RFC3: variants seen among roughly 807,000 people sequenced by gnomAD.
RFC3 encodes the protein replication factor C subunit 3.
Under a neutral mutation model 45.1 loss-of-function variants are expected in RFC3, and 41 were observed. That is an observed-to-expected ratio of 0.91 (90% CI 0.71 to 1.18). The LOEUF (loss-of-function observed/expected upper bound fraction) is 1.18, where lower values mean the gene tolerates loss of function less well. Among genes scored for constraint, RFC3 ranks in the 50% most tolerant of loss-of-function variants. The pLI is 0.00. For missense variants in RFC3, 423 were observed against 428.1 expected (o/e 0.99, Z 0.10); for synonymous variants, 149 against 144.0 (o/e 1.03, Z -0.25).
intron 8 of RFC3, among the ~76,000 whole-genome samples, chr13:33,959,589 C>T (rs1309661152): frequency 1.3e-5 from 2 of 152,148 alleles, no homozygotes; most frequent in Non-Finnish European, 2.9e-5. Flanking sequence ...TTGTTTACAT[C>T]CAGAACATTT....
chr13:33,944,768 A>G (rs952978334), intron 8 of RFC3, among the ~76,000 whole-genome samples: 3 of 152,112 alleles, frequency 2.0e-5, no homozygotes, highest in Non-Finnish European at 4.4e-5. Flanking sequence ...ACACACTCAA[A>G]TTTCCACATA....
At position 33,835,453 on chromosome 13, in the gene RFC3, TAAAG is replaced by T. The variant is rs762414924; in HGVS notation, c.879+239_879+242del. The T allele has an allele frequency of 1.8e-5, 12 of 682,238 alleles. 1 individual carries two copies. The highest frequency in any genetic ancestry group is 1.1e-4 in the South Asian group (8 of 72,264). 42.3% of individuals were successfully genotyped at this position (682,238 alleles called of 1,614,324 possible). On this transcript the variant is annotated intron_variant, in intron 8 of 8. Transcript: ENST00000380071. ...CTAGTGGTGTGAAAAGGAGAACAAA[TAAAG>T]AAGAGAATTTCAGAGTGTTGTAAGT... is the stretch of plus-strand genomic sequence containing the variant.
downstream of RFC3, among the ~76,000 whole-genome samples, chr13:33,838,281 A>C (rs1006587663): frequency 1.3e-5 from 2 of 152,060 alleles, no homozygotes; most frequent in Non-Finnish European, 2.9e-5. Flanking sequence ...GTGAAAATCT[A>C]CTTTTTTTAA....
At chr13:33,975,728 C>T in the RFC3 span, among the ~76,000 whole-genome samples, 1 of 152,168 alleles carries the variant, frequency 6.6e-6, no homozygotes, top group Non-Finnish European at 1.5e-5. Context: ...AAGCACTGCA[C>T]TGTGGCTGAT....
chr13:33,857,108 A>G (rs1210565347), intron 8 of RFC3, among the ~76,000 whole-genome samples: 1 of 152,240 alleles, frequency 6.6e-6, no homozygotes, highest in African/African-American at 2.4e-5. Context: ...TAAACTTGTA[A>G]AGCAATCTAA....
chr13:33,863,197 A>T (rs994324648), intron 8 of RFC3, among the ~76,000 whole-genome samples: 11 of 152,094 alleles, frequency 7.2e-5, no homozygotes, highest in Admixed American at 6.5e-4. Context: ...TGCATCAGTA[A>T]TATAATGAAT....
At chr13:33,876,487 TTTATC>T (rs2082447818) in intron 8 of RFC3, among the ~76,000 whole-genome samples, 1 of 152,246 alleles carries the variant, frequency 6.6e-6, no homozygotes, top group African/African-American at 2.4e-5. Flanking sequence ...TATTCATATT[TTTATC>T]TTAATCCATT....
At chr13:33,880,949 G>A (rs1026295241) in intron 8 of RFC3, among the ~76,000 whole-genome samples, 1 of 152,164 alleles carries the variant, frequency 6.6e-6, no homozygotes. Context: ...CCAGCTACTC[G>A]GGAGGCTGAG....
chr13:33,950,502 C>T (rs1290793069), intron 8 of RFC3, among the ~76,000 whole-genome samples: 1 of 152,086 alleles, frequency 6.6e-6, no homozygotes, highest in Non-Finnish European at 1.5e-5. Context: ...ATTTAGAAAA[C>T]CAGTGGAATA....
intron 2 of RFC3, among the ~76,000 whole-genome samples, chr13:33,821,781 C>T (rs2082005975): frequency 6.6e-6 from 1 of 152,204 alleles, no homozygotes; most frequent in East Asian, 1.9e-4. Context: ...CATTCTTATG[C>T]TCTTCCATTA....
At chr13:33,889,892 A>T (rs1030931540) in intron 8 of RFC3, among the ~76,000 whole-genome samples, 2 of 152,244 alleles carry the variant, frequency 1.3e-5, no homozygotes, top group Non-Finnish European at 2.9e-5. Context: ...GAAGGATAAC[A>T]TCCTGTCATT....
chr13:33,830,983 T>G (rs2082097070), intron 6 of RFC3, 128 bp downstream of exon 6: 1 of 716,772 alleles, frequency 1.4e-6, no homozygotes, highest in African/African-American at 1.8e-5. Context: ...AGGATGAAAT[T>G]GTTCCACCTC....
intron 8 of RFC3, among the ~76,000 whole-genome samples, chr13:33,857,164 A>G (rs1231879816): frequency 6.6e-6 from 1 of 152,212 alleles, no homozygotes; most frequent in African/African-American, 2.4e-5. Context: ...ATAGCAAGGA[A>G]ATTGTCTTCA....
chr13:33,906,120 G>T (rs965917036), intron 8 of RFC3, among the ~76,000 whole-genome samples: 2 of 152,070 alleles, frequency 1.3e-5, no homozygotes, highest in African/African-American at 4.8e-5. Flanking sequence ...GATTCTGTTT[G>T]TGTAAGTGTC....
intron 8 of RFC3, among the ~76,000 whole-genome samples, chr13:33,876,466 C>T (rs551704917): frequency 6.6e-6 from 1 of 152,324 alleles, no homozygotes; most frequent in African/African-American, 2.4e-5. Context: ...AAAACTTTAA[C>T]TCAGTGAGAG....
At chr13:33,852,300 A>G (rs1407103057) in intron 8 of RFC3, among the ~76,000 whole-genome samples, 1 of 152,176 alleles carries the variant, frequency 6.6e-6, no homozygotes, top group Non-Finnish European at 1.5e-5. Context: ...CAGTGAACCT[A>G]CTTGACGTGG....
At chr13:33,926,269 TAGTG>T (rs1424017005) in intron 8 of RFC3, among the ~76,000 whole-genome samples, 1 of 149,824 alleles carries the variant, frequency 6.7e-6, no homozygotes, top group Non-Finnish European at 1.5e-5. Flanking sequence ...CATGACGAGT[TAGTG>T]GGTGCAGCGC....
At chr13:33,951,693 A>C (rs2082992577) in intron 8 of RFC3, among the ~76,000 whole-genome samples, 2 of 152,208 alleles carry the variant, frequency 1.3e-5, no homozygotes, top group South Asian at 2.1e-4. Flanking sequence ...CATCTAATAG[A>C]ACTACTGGCA....
At chr13:33,930,837 A>G (rs980962984) in intron 8 of RFC3, among the ~76,000 whole-genome samples, 5 of 152,110 alleles carry the variant, frequency 3.3e-5, no homozygotes, top group African/African-American at 9.7e-5. Context: ...ATAAACCTCA[A>G]GCTTGTTATA....
Sources: gnomAD v4.1 joint callset for allele counts (sites outside exome capture counted in the v4.1 genomes callset) on GRCh38, gnomAD v4.1.1 for gene constraint, MANE v1.5 for transcripts, NCBI Gene and HGNC (gene_info 2026-07-23, HGNC 2026-07-21) for gene names.